Variants in FRRS1 observed in about 807,000 individuals in gnomAD.
The protein encoded by FRRS1 is ferric chelate reductase 1, also known as ferric reductase 1.
In FRRS1, 51 loss-of-function variants were observed where a neutral mutation model predicts 70.7. The observed-to-expected ratio is 0.72, with a 90% CI of 0.58 to 0.91. The LOEUF (loss-of-function observed/expected upper bound fraction) is 0.91, where lower values mean the gene tolerates loss of function less well. FRRS1 is among the 40% of genes least tolerant of loss of function. The pLI is 0.00. For missense variants in FRRS1, 672 were observed against 726.0 expected (o/e 0.93, Z 0.86); for synonymous variants, 225 against 238.7 (o/e 0.94, Z 0.53).
chr1:99,754,487 AAGAGAGAG>A, intron 1 of FRRS1, among the ~76,000 whole-genome samples: 1 of 121,404 alleles, frequency 8.2e-6, no homozygotes, highest in East Asian at 2.1e-4. Flanking sequence ...CCTTGTCTCA[AAGAGAGAG>A]AGAGAGAGAG....
chr1:99,729,774 A>C, intron 7 of FRRS1, 26 bp from the exon 8 acceptor site: 2 of 1,470,710 alleles, frequency 1.4e-6, no homozygotes, highest in Non-Finnish European at 9.5e-7. Flanking sequence ...AAATGAGAAA[A>C]AAAGCTCAAA....
rs1266906787 is a variant in FRRS1, at chr1:99,719,626, T to C, written c.1028A>G (p.Gln343Arg). ...TTTTTCATAGGTAATCAAAGGTTGCTGAGAGTGCTTGTAAATTCGACCTGC... is the reference window on the plus strand; with the variant it reads ...TTTTTCATAGGTAATCAAAGGTTGCCGAGAGTGCTTGTAAATTCGACCTGC... ...ANDGRIYKHSQQPLITYEKYD... is the reference protein window; with the variant it reads ...ANDGRIYKHSRQPLITYEKYD... The change falls in exon 10 of 17, where the codon CAG (glutamine) becomes CGG (arginine). Residue 343 changes from glutamine (Q) to arginine (R), a missense_variant. Physicochemically the swap from Gln to Arg is conservative, Grantham distance 43 (BLOSUM62 1). Coordinates refer to ENST00000646001, the MANE Select transcript of FRRS1 (RefSeq NM_001361041.2). The C allele has an allele frequency of 6.2e-7, 1 of 1,601,812 alleles. No individual in the cohort carries two copies. The highest frequency in any genetic ancestry group is 2.2e-5 in the East Asian group (1 of 44,742).
At chr1:99,766,544 T>A (rs1424832737) in intron 1 of FRRS1, 63 bp downstream of exon 1, 5 of 152,186 alleles carry the variant, frequency 3.3e-5, no homozygotes, top group Non-Finnish European at 7.3e-5. Context: ...GTCGCTAAGC[T>A]GGATTTGATT....
At chr1:99,728,120 T>A (rs1655156991) in intron 9 of FRRS1, among the ~76,000 whole-genome samples, 2 of 152,364 alleles carry the variant, frequency 1.3e-5, no homozygotes, top group South Asian at 2.1e-4. Flanking sequence ...GGAGCCAATA[T>A]CTCTTGCAAC....
At chr1:99,724,540 C>T (rs1474774230) in intron 9 of FRRS1, among the ~76,000 whole-genome samples, 5 of 152,112 alleles carry the variant, frequency 3.3e-5, no homozygotes, top group African/African-American at 4.8e-5. Context: ...TACATTTATA[C>T]GGGTTACAGA....
chr1:99,727,740 G>A lies in FRRS1; in HGVS notation c.1006+753C>T, dbSNP rs570570589. On this transcript the variant is annotated intron_variant, in intron 9 of 16. Transcript: ENST00000646001. ...TTTGGAGCAATGTTATCTCCTAAGA[G>A]ATGAGTCATTAAATGCTACATTGAC... Among the ~76,000 whole-genome samples, 90 of 152,184 alleles carry A rather than the reference G, an allele frequency of 5.9e-4. 2 individuals are homozygous for A. Among genetic ancestry groups the A allele is most frequent in the Admixed American group, 1.1e-3 (17 of 15,274 alleles).
chr1:99,708,662 A>ATGTATATATC lies in FRRS1; in HGVS notation c.*365_*366insGATATATACA, dbSNP rs1318624847. ...TATATATATATATATATATATATAT[A>ATGTATATATC]TCGTAATATATCTCTTTATTATCCT... On this transcript the variant is annotated 3_prime_UTR_variant, in exon 17 of 17. Coordinates refer to ENST00000646001, the MANE Select transcript of FRRS1 (RefSeq NM_001361041.2). The ATGTATATATC allele has an allele frequency of 4.2e-4, 54 of 129,604 alleles. No individual in the cohort carries two copies. Among genetic ancestry groups the ATGTATATATC allele is most frequent in the African/African-American group, 1.8e-3 (50 of 27,686 alleles). The allele number at this position is 129,604 out of a possible 1,614,324, so 8.0% of individuals were successfully genotyped here. A position where few individuals can be genotyped will look rare whatever the true frequency, so the allele number is the denominator to read the frequency against.
intron 7 of FRRS1, among the ~76,000 whole-genome samples, chr1:99,730,972 T>C (rs1198829922): frequency 2.6e-5 from 4 of 151,354 alleles, no homozygotes; most frequent in Non-Finnish European, 5.9e-5. Flanking sequence ...GGAGGTCAAG[T>C]CTGCAGTGTG....
At chr1:99,733,522 G>A (rs562862811) in intron 7 of FRRS1, among the ~76,000 whole-genome samples, 1 of 152,326 alleles carries the variant, frequency 6.6e-6, no homozygotes, top group South Asian at 2.1e-4. Context: ...AAGTGGTGGA[G>A]ACACATCAAA....
intron 4 of FRRS1, among the ~76,000 whole-genome samples, 157 bp downstream of exon 4, chr1:99,747,137 A>G (rs1168491295): frequency 6.6e-6 from 1 of 152,208 alleles, no homozygotes; most frequent in East Asian, 1.9e-4. Flanking sequence ...TGTGTTAATC[A>G]ACTATTTGTT....
intron 5 of FRRS1, among the ~76,000 whole-genome samples, chr1:99,741,857 G>A (rs1655979955): frequency 6.6e-6 from 1 of 152,192 alleles, no homozygotes; most frequent in Admixed American, 6.5e-5. Context: ...CCTGTGCTAG[G>A]TGATAGGTAT....
Position 99,707,347 on chromosome 1 carries a change from C to A in FRRS1, c.*1681G>T, listed in dbSNP as rs942136842. Among the ~76,000 whole-genome samples, 3 of 151,728 alleles carry A rather than the reference C, an allele frequency of 2.0e-5. No homozygotes were observed. The South Asian group carries it at 6.2e-4, about 32-fold the overall frequency. The stretch of plus-strand genomic sequence containing the variant: ...ACCATATAGAAATTAGGTTCTCGGG[C>A]CAAGCAGAAACTATAACATAATCAG... On this transcript the variant is annotated 3_prime_UTR_variant, in exon 17 of 17. Coordinates refer to ENST00000646001, the MANE Select transcript of FRRS1 (RefSeq NM_001361041.2).
chr1:99,748,822 GC>G (rs1656420280), intron 2 of FRRS1, 54 bp from the exon 3 acceptor site: 4 of 1,376,582 alleles, frequency 2.9e-6, no homozygotes, highest in Non-Finnish European at 4.0e-6. Flanking sequence ...AAATATAAAA[GC>G]TTTTACACAA....
intron 1 of FRRS1, among the ~76,000 whole-genome samples, chr1:99,760,831 G>A (rs1657081091): frequency 6.6e-6 from 1 of 151,892 alleles, no homozygotes; most frequent in Non-Finnish European, 1.5e-5. Flanking sequence ...TGTATTTTTG[G>A]TATAGACGGG....
In FRRS1 at chr1:99,708,660, A is replaced by C. The variant is rs1442263630; in HGVS notation, c.*368T>G. ...TATATATATATATATATATATATAT[A>C]TATCGTAATATATCTCTTTATTATC... On this transcript the variant is annotated 3_prime_UTR_variant, in exon 17 of 17. Coordinates refer to ENST00000646001, the MANE Select transcript of FRRS1 (RefSeq NM_001361041.2). 3.6e-5 allele frequency: 5 copies of C among 137,788 alleles called. No homozygotes were observed. The highest frequency in any genetic ancestry group is 1.9e-4 in the East Asian group (1 of 5,248). The allele number at this position is 137,788 out of a possible 1,614,324, so 8.5% of individuals were successfully genotyped here. A position where few individuals can be genotyped will look rare whatever the true frequency, so the allele number is the denominator to read the frequency against.
rs1655177543 is a variant in FRRS1 at position 99,728,508 on chromosome 1, C to A, written c.991G>T (p.Gly331Cys). 1.9e-6 allele frequency: 3 copies of A among 1,611,592 alleles called. No homozygotes were observed. The highest frequency in any genetic ancestry group is 2.5e-6 in the Non-Finnish European group (3 of 1,178,048). The change falls in exon 9 of 17, where the codon GGT becomes TGT. Residue 331 changes from glycine (G) to cysteine (C), a missense_variant. Transcript: ENST00000646001. ...NTSYYIFLAD[G>C]AANDGRIYKH... The stretch of plus-strand genomic sequence containing the variant: ...ATATACTTACCATCATTAGCTGCAC[C>A]ATCTGCTAGAAATATGTAATAGCTT...
rs1654074211 is a variant in FRRS1 at position 99,707,813 on chromosome 1, A to C, written c.*1215T>G. Among the ~76,000 whole-genome samples the C allele has an allele frequency of 6.6e-6, 1 of 152,228 alleles. No homozygotes were observed. The highest frequency in any genetic ancestry group is 2.1e-4 in the South Asian group (1 of 4,826). ...AATAGATGAATTCTTGAAATAAGGA[A>C]TATAACACTGACTATTCTGATTCAG... On this transcript the variant is annotated 3_prime_UTR_variant, in exon 17 of 17. Coordinates refer to ENST00000646001, the MANE Select transcript of FRRS1 (RefSeq NM_001361041.2).
In FRRS1 at chr1:99,753,301, G is replaced by A. The variant is rs1571152405; in HGVS notation, c.-105-4300C>T. On this transcript the variant is annotated intron_variant, in intron 1 of 16. Transcript: ENST00000646001. ...TTTGGGAGGGAAGGGCAGGAAGATTGCTTGAGCCCAGGAGTTTGAAACCAG... is the reference window on the plus strand; with the variant it reads ...TTTGGGAGGGAAGGGCAGGAAGATTACTTGAGCCCAGGAGTTTGAAACCAG... 4.1e-5 allele frequency among the ~76,000 whole-genome samples: 6 copies of A among 145,986 alleles called. No individual in the cohort carries two copies. The South Asian group carries it at 1.3e-3, about 32-fold the overall frequency.
intron 4 of FRRS1, among the ~76,000 whole-genome samples, chr1:99,746,824 A>G (rs1245034106): frequency 6.6e-6 from 1 of 152,202 alleles, no homozygotes; most frequent in Non-Finnish European, 1.5e-5. Context: ...AGAAAACGAA[A>G]AAACAAAAAA....
Sources: gnomAD v4.1 joint callset for allele counts (sites outside exome capture counted in the v4.1 genomes callset) on GRCh38, gnomAD v4.1.1 for gene constraint, MANE v1.5 for transcripts, NCBI Gene and HGNC (gene_info 2026-07-23, HGNC 2026-07-21) for gene names.